FHIT: variants seen among roughly 807,000 people sequenced by gnomAD.
The protein encoded by FHIT is fragile histidine triad diadenosine triphosphatase, also known as bis(5'-adenosyl)-triphosphatase.
A neutral mutation model predicts 17.9 loss-of-function variants in FHIT; 19 were observed. That is an observed-to-expected ratio of 1.06 (90% CI 0.74 to 1.56). The LOEUF is 1.56. Ranked by LOEUF, FHIT falls within the 40% of genes most tolerant of loss-of-function variation. The probability of loss-of-function intolerance (pLI) is 0.00; values close to 1 mark genes in which losing one functional copy is unlikely to be tolerated. For missense variants in FHIT, 248 were observed against 189.2 expected (o/e 1.31, Z -1.82); for synonymous variants, 81 against 69.7 (o/e 1.16, Z -0.81).
At chr3:60,777,628 C>T (rs1487695742) in intron 4 of FHIT, among the ~76,000 whole-genome samples, 2 of 152,198 alleles carry the variant, frequency 1.3e-5, no homozygotes, top group Non-Finnish European at 2.9e-5. Context: ...AGGGGATTCT[C>T]TATAAAATGT....
chr3:60,518,656 ATAAC>A (rs2035247059), intron 5 of FHIT, among the ~76,000 whole-genome samples: 1 of 152,246 alleles, frequency 6.6e-6, no homozygotes, highest in Non-Finnish European at 1.5e-5. Context: ...AAAGTCAGTA[ATAAC>A]TAATAAATTA....
intron 3 of FHIT, among the ~76,000 whole-genome samples, chr3:60,965,712 C>A (rs1418962336): frequency 6.6e-6 from 1 of 152,138 alleles, no homozygotes; most frequent in Non-Finnish European, 1.5e-5. Flanking sequence ...CACTCCAGAC[C>A]CTGTTTGCCT....
At chr3:60,097,427 G>T (rs1032039314) in intron 5 of FHIT, among the ~76,000 whole-genome samples, 1 of 152,098 alleles carries the variant, frequency 6.6e-6, no homozygotes, top group Admixed American at 6.5e-5. Flanking sequence ...TCTAGTCCCA[G>T]TTTTCCAAGA....
intron 2 of FHIT, among the ~76,000 whole-genome samples, chr3:61,149,804 C>A (rs760737084): frequency 1.4e-4 from 21 of 152,096 alleles, no homozygotes; most frequent in Admixed American, 1.3e-3. Context: ...TGCTTGAGCC[C>A]AGGAGTTAGA....
At chr3:60,399,838 A>C (rs978817692) in intron 5 of FHIT, among the ~76,000 whole-genome samples, 6 of 152,154 alleles carry the variant, frequency 3.9e-5, no homozygotes, top group Non-Finnish European at 7.3e-5. Flanking sequence ...TCAAAAAGAA[A>C]AGGTTTTCTG....
chr3:60,879,915 AT>A (rs1250881705), intron 3 of FHIT, among the ~76,000 whole-genome samples: 1 of 151,846 alleles, frequency 6.6e-6, no homozygotes, highest in Non-Finnish European at 1.5e-5. Context: ...AAGTGAACAA[AT>A]TTTCATATTA....
intron 5 of FHIT, among the ~76,000 whole-genome samples, chr3:60,516,057 A>G (rs2035142088): frequency 6.6e-6 from 1 of 152,140 alleles, no homozygotes. Context: ...AGCTGAGACA[A>G]AGGAGTGGGG....
intron 2 of FHIT, among the ~76,000 whole-genome samples, chr3:61,167,326 TG>T (rs1260010754): frequency 1.3e-5 from 2 of 151,640 alleles, no homozygotes; most frequent in Non-Finnish European, 2.9e-5. Flanking sequence ...GCCAAAAACT[TG>T]CATATACAGA....
intron 8 of FHIT, among the ~76,000 whole-genome samples, chr3:59,756,771 T>C (rs1419702657): frequency 2.0e-5 from 3 of 152,124 alleles, no homozygotes; most frequent in East Asian, 3.9e-4. Flanking sequence ...TTCAAGGCCA[T>C]CATTTTGTGC....
At chr3:59,921,855 G>T (rs1406389368) in intron 8 of FHIT, among the ~76,000 whole-genome samples, 1 of 152,188 alleles carries the variant, frequency 6.6e-6, no homozygotes, top group East Asian at 1.9e-4. Flanking sequence ...TATGATATGT[G>T]AGTTACACTT....
intron 8 of FHIT, among the ~76,000 whole-genome samples, chr3:59,912,534 G>C (rs1269286186): frequency 6.6e-6 from 1 of 152,086 alleles, no homozygotes; most frequent in Admixed American, 6.5e-5. Context: ...ATTTTTTAGA[G>C]TCGCTAAAAG....
At chr3:60,697,242 G>A (rs1462296581) in intron 4 of FHIT, among the ~76,000 whole-genome samples, 1 of 152,178 alleles carries the variant, frequency 6.6e-6, no homozygotes, top group African/African-American at 2.4e-5. Flanking sequence ...AAATGGATAT[G>A]TCAAAGGACA....
intron 5 of FHIT, among the ~76,000 whole-genome samples, chr3:60,338,116 C>G (rs1313454142): frequency 6.6e-6 from 1 of 152,116 alleles, no homozygotes. Flanking sequence ...AATGCGTTTT[C>G]TAGAGAATCT....
At chr3:59,938,361 T>C (rs1170542301) in intron 7 of FHIT, among the ~76,000 whole-genome samples, 1 of 151,908 alleles carries the variant, frequency 6.6e-6, no homozygotes, top group Non-Finnish European at 1.5e-5. Flanking sequence ...TATATAGAGA[T>C]AGAGAATAAA....
intron 5 of FHIT, among the ~76,000 whole-genome samples, chr3:60,497,989 C>T (rs1482960009): frequency 1.3e-5 from 2 of 152,122 alleles, no homozygotes; most frequent in South Asian, 2.1e-4. Context: ...TTGGGCTTTG[C>T]AGGCCATATG....
At chr3:61,135,172 C>G (rs764522711) in intron 2 of FHIT, among the ~76,000 whole-genome samples, 1 of 152,142 alleles carries the variant, frequency 6.6e-6, no homozygotes, top group African/African-American at 2.4e-5. Context: ...AATCATTCAG[C>G]CCAGGCTAGT....
intron 1 of FHIT, among the ~76,000 whole-genome samples, chr3:61,225,503 CTTG>C (rs2039947527): frequency 6.6e-6 from 1 of 152,196 alleles, no homozygotes; most frequent in Non-Finnish European, 1.5e-5. Flanking sequence ...TAACATGCTT[CTTG>C]TTGTAAACAA....
intron 3 of FHIT, among the ~76,000 whole-genome samples, chr3:60,823,953 G>A (rs1161407484): frequency 6.6e-6 from 1 of 152,180 alleles, no homozygotes; most frequent in African/African-American, 2.4e-5. Context: ...CAGCAGGGAG[G>A]CCAGTATGGC....
intron 4 of FHIT, among the ~76,000 whole-genome samples, chr3:60,631,048 T>C (rs921228550): frequency 1.3e-5 from 2 of 151,916 alleles, no homozygotes; most frequent in South Asian, 2.1e-4. Flanking sequence ...CTGTGCTAAG[T>C]TTCAAAGAGG....
Sources: gnomAD v4.1 joint callset for allele counts (sites outside exome capture counted in the v4.1 genomes callset) on GRCh38, gnomAD v4.1.1 for gene constraint, MANE v1.5 for transcripts, NCBI Gene and HGNC (gene_info 2026-07-23, HGNC 2026-07-21) for gene names.